The following FRAS1 variants were observed in gnomAD, a reference collection of about 807,000 sequenced individuals.
FRAS1 encodes Fraser extracellular matrix complex subunit 1.
Under a neutral mutation model 435.2 loss-of-function variants are expected in FRAS1, and 290 were observed. The ratio of observed to expected loss-of-function variants is 0.67; its 90% CI spans 0.61 to 0.73. The LOEUF is 0.73. FRAS1 is among the 30% of genes least tolerant of loss of function. The pLI is 0.00. For synonymous variants in FRAS1, 1,800 were observed against 1,851.0 expected, an observed-to-expected ratio of 0.97 and a Z score of 0.71; for missense variants, 4,860 against 5,001.5, an observed-to-expected ratio of 0.97 and a Z score of 0.85.
At chr4:78,444,048 T>A (rs886458652) in intron 41 of FRAS1, 6 of 380,026 alleles carry the variant, frequency 1.6e-5, no homozygotes, top group Non-Finnish European at 1.0e-5. Context: ...AGAGACAGGG[T>A]CTCACTAAGT....
chr4:78,159,246 A>T (rs141771636), intron 2 of FRAS1, among the ~76,000 whole-genome samples: 1 of 152,268 alleles, frequency 6.6e-6, no homozygotes, highest in South Asian at 2.1e-4. Context: ...CTGGAGGGGA[A>T]CTTGATGTAC....
At chr4:78,380,093 C>G in intron 27 of FRAS1, 97 bp downstream of exon 27, 1 of 1,345,472 alleles carries the variant, frequency 7.4e-7, no homozygotes, top group Non-Finnish European at 1.0e-6. Context: ...AATAGCTAAC[C>G]CTTCTCATCT....
At chr4:78,248,365 T>C (rs1446396274) in intron 4 of FRAS1, among the ~76,000 whole-genome samples, 4 of 152,212 alleles carry the variant, frequency 2.6e-5, no homozygotes, top group Non-Finnish European at 5.9e-5. Flanking sequence ...AATTACTTTG[T>C]GAAAGGGAGG....
chr4:78,514,768 T>C (rs75465408), intron 65 of FRAS1, among the ~76,000 whole-genome samples: 3,680 of 152,204 alleles, frequency 0.024, 141 homozygotes, highest in African/African-American at 0.084. Flanking sequence ...CTTTTAGTAC[T>C]ATAAAAATTT....
chr4:78,163,680 AT>A (rs1274148159), intron 2 of FRAS1, among the ~76,000 whole-genome samples: 3 of 152,220 alleles, frequency 2.0e-5, no homozygotes, highest in Admixed American at 6.5e-5. Flanking sequence ...GGGCTGATCT[AT>A]AGTGCTGTGG....
intron 61 of FRAS1, among the ~76,000 whole-genome samples, chr4:78,502,906 T>G (rs537887832): frequency 6.6e-6 from 1 of 152,194 alleles, no homozygotes; most frequent in African/African-American, 2.4e-5. Flanking sequence ...CCTAGTTTAT[T>G]GAGAGTTTTT....
At chr4:78,318,479 A>G (rs1729365052) in intron 17 of FRAS1, among the ~76,000 whole-genome samples, 1 of 152,210 alleles carries the variant, frequency 6.6e-6, no homozygotes, top group Admixed American at 6.5e-5. Flanking sequence ...CAAGGGCATA[A>G]TGTTAAATCA....
At position 78,429,207 on chromosome 4, in the gene FRAS1, A is replaced by T. The variant is rs1459233183; in HGVS notation, c.4824A>T (p.Pro1608=). 1 of 1,607,680 alleles carries T rather than the reference A, an allele frequency of 6.2e-7. No individual in the cohort carries two copies. The highest frequency in any genetic ancestry group is 8.5e-7 in the Non-Finnish European group (1 of 1,177,420). ...CAGCTCCACGGCTGGCGGTCAGCCC[A>T]GGAGGCAGCACTTCTGTAGGTAAGA... ...QVTAPRLAVS[P]GGSTSVGLQV... The change falls in exon 36 of 74, where the codon CCA becomes CCT. Residue 1608 remains proline, a synonymous_variant. Transcript: ENST00000512123.
intron 65 of FRAS1, 147 bp downstream of exon 65, chr4:78,513,699 T>G (rs1721111732): frequency 4.2e-6 from 3 of 709,250 alleles, no homozygotes; most frequent in Non-Finnish European, 7.1e-6. Flanking sequence ...CACATGCAAA[T>G]GCCATCAGTT....
chr4:78,246,415 A>G (rs1725251626), intron 4 of FRAS1, among the ~76,000 whole-genome samples: 1 of 152,114 alleles, frequency 6.6e-6, no homozygotes, highest in Non-Finnish European at 1.5e-5. Context: ...CTGTTTCCTA[A>G]TTACACAAGG....
At chr4:78,530,480 A>C (rs1459990401) in intron 70 of FRAS1, among the ~76,000 whole-genome samples, 1 of 152,172 alleles carries the variant, frequency 6.6e-6, no homozygotes, top group Non-Finnish European at 1.5e-5. Context: ...ACTACAACAC[A>C]CATACAAAAT....
chr4:78,066,003 A>G lies in FRAS1; in HGVS notation c.95A>G (p.Asp32Gly), dbSNP rs4859905. The change falls in exon 2 of 74, where the codon GAT (aspartate) becomes GGT (glycine). Residue 32 changes from aspartate (D) to glycine (G), a missense_variant. Coordinates refer to ENST00000512123, the MANE Select transcript of FRAS1 (RefSeq NM_025074.7). ...HHSEGACVYQ[D>G]SLLADATIWK... is the part of the protein sequence containing the mutation. ...CCCACAGGTGCTTGTGTCTATCAGG[A>G]TTCCTTGTTGGCGGTAGGTCATTCT... 0.42 allele frequency: 665,393 copies of G among 1,597,640 alleles called. 144,182 individuals carry two copies. Among genetic ancestry groups the G allele is most frequent in the African/African-American group, 0.69 (51,683 of 74,532 alleles).
chr4:78,279,110 G>A (rs965183110), intron 10 of FRAS1, among the ~76,000 whole-genome samples: 2 of 152,220 alleles, frequency 1.3e-5, no homozygotes, highest in Non-Finnish European at 2.9e-5. Context: ...ATGGTGAGGA[G>A]GTTTCTCTTA....
intron 67 of FRAS1, 125 bp downstream of exon 67, chr4:78,519,606 G>A (rs1165831528): frequency 5.2e-5 from 58 of 1,107,274 alleles, no homozygotes; most frequent in Non-Finnish European, 7.0e-5. Flanking sequence ...ACAAAGTGGG[G>A]CCACCTCAAA....
At chr4:78,200,624 A>C (rs967759041) in intron 2 of FRAS1, among the ~76,000 whole-genome samples, 5 of 151,988 alleles carry the variant, frequency 3.3e-5, no homozygotes, top group Non-Finnish European at 5.9e-5. Context: ...CAAGAAAGTA[A>C]AATATCCAAG....
chr4:78,104,643 T>C (rs1347413499), intron 2 of FRAS1, among the ~76,000 whole-genome samples: 1 of 152,196 alleles, frequency 6.6e-6, no homozygotes, highest in Non-Finnish European at 1.5e-5. Flanking sequence ...ATTCAGTCAG[T>C]TCAGCAGAAA....
At chr4:78,498,510 GAA>G (rs72239803) in intron 60 of FRAS1, among the ~76,000 whole-genome samples, 14 of 131,064 alleles carry the variant, frequency 1.1e-4, no homozygotes, top group Non-Finnish European at 1.5e-4. Context: ...CTGTCTCAAA[GAA>G]AAAAAAAAAA....
chr4:78,120,274 T>A (rs1718934131), intron 2 of FRAS1, among the ~76,000 whole-genome samples: 1 of 152,126 alleles, frequency 6.6e-6, no homozygotes, highest in South Asian at 2.1e-4. Context: ...ATAAAGTAAC[T>A]CCTCCAGAAT....
intron 6 of FRAS1, among the ~76,000 whole-genome samples, chr4:78,258,460 A>T (rs1347249088): frequency 6.6e-6 from 1 of 151,632 alleles, no homozygotes; most frequent in Non-Finnish European, 1.5e-5. Flanking sequence ...GGTATCTAAA[A>T]TTTGGAAGGA....
Sources: gnomAD v4.1 joint callset for allele counts (sites outside exome capture counted in the v4.1 genomes callset) on GRCh38, gnomAD v4.1.1 for gene constraint, MANE v1.5 for transcripts, NCBI Gene and HGNC (gene_info 2026-07-23, HGNC 2026-07-21) for gene names.